Variants in RBFOX1 observed in about 807,000 individuals in gnomAD.
RBFOX1 encodes the protein RNA binding fox-1 homolog 1, also known as RNA binding protein fox-1 homolog 1.
In RBFOX1, 8 loss-of-function variants were observed where a neutral mutation model predicts 57.7. The ratio of observed to expected loss-of-function variants is 0.14; its 90% CI spans 0.08 to 0.25. RBFOX1 has a LOEUF of 0.25. Ranked by LOEUF, RBFOX1 falls within the 10% of genes least tolerant of loss-of-function variation. The probability of loss-of-function intolerance (pLI) is 1.00; values close to 1 mark genes in which losing one functional copy is unlikely to be tolerated. For missense variants in RBFOX1, 611 were observed against 548.5 expected (o/e 1.11, Z -1.14); for synonymous variants, 326 against 222.4 (o/e 1.47, Z -4.15).
At chr16:5,583,525 G>A (rs879815980) in intron 2 of RBFOX1, among the ~76,000 whole-genome samples, 1 of 152,276 alleles carries the variant, frequency 6.6e-6, no homozygotes, top group East Asian at 1.9e-4. Context: ...TGACCGCGAG[G>A]CAATCCTGGA....
intron 3 of RBFOX1, among the ~76,000 whole-genome samples, chr16:6,968,070 C>G (rs1021188398): frequency 6.6e-6 from 1 of 152,090 alleles, no homozygotes; most frequent in Non-Finnish European, 1.5e-5. Context: ...GTCTGACCCT[C>G]GGATGCATGA....
chr16:6,246,891 A>C (rs2097572212), intron 1 of RBFOX1, among the ~76,000 whole-genome samples: 1 of 152,168 alleles, frequency 6.6e-6, no homozygotes, highest in Admixed American at 6.5e-5. Flanking sequence ...CAACATGGTG[A>C]AACCCTGTCT....
Position 7,498,422 on chromosome 16 carries a change from A to C in RBFOX1, c.28-19725A>C, listed in dbSNP as rs142860800. Among the ~76,000 whole-genome samples, 296 of 150,846 alleles carry C rather than the reference A, an allele frequency of 2.0e-3. 1 individual carries two copies. Among genetic ancestry groups the C allele is most frequent in the Non-Finnish European group, 3.3e-3 (224 of 67,642 alleles). On this transcript the variant is annotated intron_variant, in intron 4 of 15. Coordinates refer to ENST00000550418, the MANE Select transcript of RBFOX1 (RefSeq NM_018723.4). ...GTCCAACAGAAATATAACCATGGTCACAAATATGAATCACATATGTAGTGG... is the reference window on the plus strand; with the variant it reads ...GTCCAACAGAAATATAACCATGGTCCCAAATATGAATCACATATGTAGTGG...
At chr16:7,111,721 G>C (rs1338495331) in intron 4 of RBFOX1, among the ~76,000 whole-genome samples, 1 of 151,532 alleles carries the variant, frequency 6.6e-6, no homozygotes, top group East Asian at 1.9e-4. Context: ...GAAAGGACCT[G>C]GTCTTTATAA....
chr16:7,415,392 C>A (rs1411304509), intron 4 of RBFOX1, among the ~76,000 whole-genome samples: 4 of 152,142 alleles, frequency 2.6e-5, no homozygotes, highest in African/African-American at 9.7e-5. Context: ...AGCCAGTGCA[C>A]TTGAAGTTTG....
chr16:5,925,546 A>G (rs1341143012), intron 4 of RBFOX1, among the ~76,000 whole-genome samples: 1 of 152,198 alleles, frequency 6.6e-6, no homozygotes, highest in Non-Finnish European at 1.5e-5. Flanking sequence ...GAACAGGAAC[A>G]TTACTGGAAG....
At chr16:7,347,752 A>G (rs147102641) in intron 4 of RBFOX1, among the ~76,000 whole-genome samples, 43 of 152,286 alleles carry the variant, frequency 2.8e-4, no homozygotes, top group African/African-American at 1.0e-3. Flanking sequence ...CTCAATCTTT[A>G]TATCAGTGAA....
At chr16:7,451,486 A>G (rs2098856413) in intron 4 of RBFOX1, among the ~76,000 whole-genome samples, 1 of 152,162 alleles carries the variant, frequency 6.6e-6, no homozygotes, top group African/African-American at 2.4e-5. Flanking sequence ...ATGCAAGCCC[A>G]CTGCAAATGG....
rs529004401 is a variant in RBFOX1, at chr16:7,580,161, T to C, written c.414+241T>C. On this transcript the variant is annotated intron_variant, in intron 6 of 15. Transcript: ENST00000550418. ...AGTGGCTTTCTTCTAAGAAGTAACTTGTAGGCCAAATGGAACACAAATTCC... is the reference window on the plus strand; with the variant it reads ...AGTGGCTTTCTTCTAAGAAGTAACTCGTAGGCCAAATGGAACACAAATTCC... Among the ~76,000 whole-genome samples, 22 of 152,312 alleles carry C rather than the reference T, an allele frequency of 1.4e-4. No homozygotes were observed. The East Asian group carries it at 4.3e-3, about 29-fold the overall frequency.
At chr16:6,670,949 G>C (rs1019145266) in intron 3 of RBFOX1, among the ~76,000 whole-genome samples, 1 of 152,128 alleles carries the variant, frequency 6.6e-6, no homozygotes, top group Admixed American at 6.5e-5. Context: ...GCAGCGAGCC[G>C]AGATCGTGCC....
chr16:5,834,567 G>C (rs1567603752), intron 3 of RBFOX1, among the ~76,000 whole-genome samples: 1 of 149,194 alleles, frequency 6.7e-6, no homozygotes, highest in Non-Finnish European at 1.5e-5. Context: ...AAATATAGAA[G>C]TGCATGTGTC....
At chr16:6,978,661 C>A (rs1393902874) in intron 3 of RBFOX1, among the ~76,000 whole-genome samples, 1 of 152,110 alleles carries the variant, frequency 6.6e-6, no homozygotes. Flanking sequence ...ATTTTGTTGT[C>A]CCTTTCTTAC....
intron 2 of RBFOX1, among the ~76,000 whole-genome samples, chr16:6,589,107 A>AC (rs2097673455): frequency 6.6e-6 from 1 of 151,662 alleles, no homozygotes; most frequent in African/African-American, 2.4e-5. Context: ...ATATTACAAA[A>AC]AAACCCCTAA....
At chr16:6,496,219 G>T (rs555580147) in intron 2 of RBFOX1, among the ~76,000 whole-genome samples, 125 of 152,166 alleles carry the variant, frequency 8.2e-4, no homozygotes, top group Middle Eastern at 6.8e-3. Context: ...CTATTGTCCT[G>T]CAAATTTAGA....
intron 3 of RBFOX1, among the ~76,000 whole-genome samples, chr16:5,667,002 A>C (rs2049866894): frequency 1.3e-5 from 2 of 152,212 alleles, no homozygotes; most frequent in African/African-American, 4.8e-5. Context: ...TTGTTTTCCC[A>C]AGGGCTGCTT....
chr16:7,669,343 T>C (rs191493749), intron 13 of RBFOX1, among the ~76,000 whole-genome samples: 1 of 152,160 alleles, frequency 6.6e-6, no homozygotes, highest in East Asian at 1.9e-4. Flanking sequence ...AAGATAACTA[T>C]TAATATTACA....
intron 3 of RBFOX1, among the ~76,000 whole-genome samples, chr16:6,896,909 A>T (rs1454279847): frequency 1.3e-5 from 2 of 152,150 alleles, no homozygotes; most frequent in African/African-American, 4.8e-5. Flanking sequence ...TTTTAAAAAA[A>T]ATGCATTTGG....
chr16:5,707,925 G>T (rs537551849), intron 3 of RBFOX1, among the ~76,000 whole-genome samples: 1 of 152,246 alleles, frequency 6.6e-6, no homozygotes, highest in Admixed American at 6.5e-5. Flanking sequence ...TTTGAGGGTG[G>T]TATTTCTAAG....
intron 2 of RBFOX1, among the ~76,000 whole-genome samples, chr16:6,620,505 A>G (rs1393391924): frequency 6.6e-6 from 1 of 152,242 alleles, no homozygotes; most frequent in Non-Finnish European, 1.5e-5. Flanking sequence ...TCGGAGCTGA[A>G]CTGAAAGAGA....
Sources: allele counts gnomAD v4.1 joint callset (sites outside exome capture counted in the v4.1 genomes callset), GRCh38; gene constraint gnomAD v4.1.1; transcripts MANE v1.5; gene names NCBI Gene and HGNC (gene_info 2026-07-23, HGNC 2026-07-21).